Variants in RYR2 observed in about 807,000 individuals in gnomAD.
The protein encoded by RYR2 is cardiac muscle ryanodine receptor-calcium release channel.
RYR2 carries 227 observed loss-of-function variants against 601.1 expected under a neutral mutation model. The observed-to-expected ratio is 0.38, with a 90% CI of 0.34 to 0.42. The LOEUF (loss-of-function observed/expected upper bound fraction) is 0.42, where lower values mean the gene tolerates loss of function less well. RYR2 is among the 10% of genes least tolerant of loss of function. The pLI is 1.00. For missense variants in RYR2, 4,646 were observed against 6,156.5 expected (o/e 0.75, Z 8.21); for synonymous variants, 2,223 against 2,175.1 (o/e 1.02, Z -0.61).
chr1:237,821,839 A>C (rs1368778604), intron 101 of RYR2, among the ~76,000 whole-genome samples: 5 of 151,878 alleles, frequency 3.3e-5, no homozygotes, highest in Non-Finnish European at 5.9e-5. Context: ...AAATGACCTG[A>C]TGGAGCTGAA....
At chr1:237,679,249 G>C (rs981564406) in intron 61 of RYR2, among the ~76,000 whole-genome samples, 3 of 152,082 alleles carry the variant, frequency 2.0e-5, no homozygotes, top group Non-Finnish European at 4.4e-5. Flanking sequence ...TGTGTTGCCC[G>C]TATACTCAGC....
At chr1:237,545,760 A>AT (rs1669732116) in intron 25 of RYR2, among the ~76,000 whole-genome samples, 1 of 151,972 alleles carries the variant, frequency 6.6e-6, no homozygotes, top group Non-Finnish European at 1.5e-5. Flanking sequence ...AAATAAAAAA[A>AT]AAAAAAAATA....
intron 27 of RYR2, among the ~76,000 whole-genome samples, chr1:237,561,372 T>G (rs1466999876): frequency 6.6e-6 from 1 of 152,160 alleles, no homozygotes; most frequent in African/African-American, 2.4e-5. Flanking sequence ...GAAGAAAGAT[T>G]AATTTTCCAA....
chr1:237,684,366 A>G (rs910748351), intron 62 of RYR2, among the ~76,000 whole-genome samples: 3 of 152,162 alleles, frequency 2.0e-5, no homozygotes, highest in Admixed American at 6.6e-5. Flanking sequence ...AGACACGTAC[A>G]TATAGAGCTA....
At chr1:237,571,060 C>T (rs114363809) in intron 29 of RYR2, among the ~76,000 whole-genome samples, 4,334 of 152,038 alleles carry the variant, frequency 0.029, 197 homozygotes, top group African/African-American at 0.097. Flanking sequence ...CCAGGGAGGT[C>T]GAGACTGCAG....
rs565591296 is a variant in RYR2 at position 237,303,837 on chromosome 1, G to C, written c.169-27041G>C. 3.9e-5 allele frequency among the ~76,000 whole-genome samples: 6 copies of C among 152,202 alleles called. No homozygotes were observed. In the South Asian group the frequency reaches 1.0e-3, roughly 26 times the overall value. ...CTTTACTTTATATAATTATCTTATTGCTTGAGAATACAGATTCATGAGGCC... is the reference window on the plus strand; with the variant it reads ...CTTTACTTTATATAATTATCTTATTCCTTGAGAATACAGATTCATGAGGCC... On this transcript the variant is annotated intron_variant, in intron 2 of 104. Transcript: ENST00000366574.
At chr1:237,313,491 G>C (rs1694780786) in intron 2 of RYR2, among the ~76,000 whole-genome samples, 1 of 152,080 alleles carries the variant, frequency 6.6e-6, no homozygotes, top group African/African-American at 2.4e-5. Context: ...ATGGAGGAAG[G>C]GACCACAAGC....
chr1:237,409,035 G>A (rs1295589437), intron 10 of RYR2, among the ~76,000 whole-genome samples: 1 of 152,014 alleles, frequency 6.6e-6, no homozygotes, highest in African/African-American at 2.4e-5. Flanking sequence ...TCCTATAATT[G>A]TCTATTAGTT....
chr1:237,045,248 G>A (rs1660433679), intron 1 of RYR2, among the ~76,000 whole-genome samples: 1 of 152,072 alleles, frequency 6.6e-6, no homozygotes, highest in South Asian at 2.1e-4. Flanking sequence ...AAGCTTTTTT[G>A]CTTTTCTTTT....
At chr1:237,539,743 G>C (rs1202635003) in intron 25 of RYR2, among the ~76,000 whole-genome samples, 1 of 152,066 alleles carries the variant, frequency 6.6e-6, no homozygotes, top group Non-Finnish European at 1.5e-5. Flanking sequence ...TGCATGCTGG[G>C]CTTCACACGT....
rs200236750 is a variant in RYR2, at chr1:237,566,672, C to T, written c.3320C>T (p.Thr1107Met). The change falls in exon 28 of 105, where the codon ACG becomes ATG. Residue 1107 changes from threonine to methionine, a missense_variant. Around this residue, in one of 17 missense-constraint regions of RYR2, gnomAD observed 1,807 missense variants for 2,088.1 expected, o/e 0.87. Coordinates refer to ENST00000366574, the MANE Select transcript of RYR2 (RefSeq NM_001035.3). The part of the protein sequence containing the change: ...KAGRWYFEFE[T>M]VTAGDMRVGW... ...GGACGGTGGTATTTTGAATTTGAGA[C>T]GGTCACTGCTGGAGACATGAGGGTT... 7.9e-4 allele frequency: 1,272 copies of T among 1,613,804 alleles called. 1 individual carries two copies. Among genetic ancestry groups the T allele is most frequent in the Non-Finnish European group, 9.3e-4 (1,095 of 1,179,876 alleles).
intron 14 of RYR2, among the ~76,000 whole-genome samples, chr1:237,449,270 T>A (rs78575855): frequency 0.026 from 3,989 of 152,316 alleles, 74 homozygotes; most frequent in Non-Finnish European, 0.042. Flanking sequence ...TAGTGGTTAC[T>A]TACGGATTAA....
intron 19 of RYR2, among the ~76,000 whole-genome samples, chr1:237,494,674 C>G (rs1443588471): frequency 1.3e-5 from 2 of 152,224 alleles, no homozygotes; most frequent in Non-Finnish European, 2.9e-5. Context: ...TTACAATCAA[C>G]AAAACGCTGT....
chr1:237,484,868 C>A (rs1662509353), intron 17 of RYR2, among the ~76,000 whole-genome samples: 1 of 152,092 alleles, frequency 6.6e-6, no homozygotes, highest in Non-Finnish European at 1.5e-5. Context: ...GCTCCCAATA[C>A]CATTAAGTTA....
At chr1:237,290,890 A>G (rs1385041487) in intron 2 of RYR2, among the ~76,000 whole-genome samples, 2 of 152,220 alleles carry the variant, frequency 1.3e-5, no homozygotes, top group Non-Finnish European at 2.9e-5. Context: ...ATTTTAAAAG[A>G]TGTTGAAGAT....
intron 39 of RYR2, among the ~76,000 whole-genome samples, chr1:237,625,053 T>TA (rs113298671): frequency 0.037 from 5,344 of 145,088 alleles, 228 homozygotes; most frequent in African/African-American, 0.1. Context: ...TATATATATA[T>TA]TTTTTTTTTT....
intron 1 of RYR2, among the ~76,000 whole-genome samples, chr1:237,170,644 C>T (rs1677253831): frequency 1.3e-5 from 2 of 152,092 alleles, no homozygotes. Flanking sequence ...CATGAGGATA[C>T]AAGAAAGAAA....
At chr1:237,305,346 AAT>A (rs1286020343) in intron 2 of RYR2, among the ~76,000 whole-genome samples, 3 of 152,202 alleles carry the variant, frequency 2.0e-5, no homozygotes, top group Non-Finnish European at 4.4e-5. Context: ...TCAAAAATAT[AAT>A]ATTGCATCAC....
At chr1:237,482,348 G>GC (rs1010866264) in intron 17 of RYR2, among the ~76,000 whole-genome samples, 7 of 151,852 alleles carry the variant, frequency 4.6e-5, no homozygotes, top group African/African-American at 1.7e-4. Context: ...TTCCTCTAGA[G>GC]CCCCCCACTA....
Sources: gnomAD v4.1 joint callset for allele counts (sites outside exome capture counted in the v4.1 genomes callset) on GRCh38, gnomAD v4.1.1 for gene constraint, gnomAD v4.1.1 regional missense constraint, MANE v1.5 for transcripts, NCBI Gene and HGNC (gene_info 2026-07-23, HGNC 2026-07-21) for gene names.